The following MUC15 variants were observed in gnomAD, a reference collection of about 807,000 sequenced individuals.
MUC15 encodes mucin-15.
A neutral mutation model predicts 24.0 loss-of-function variants in MUC15; 23 were observed. That is an observed-to-expected ratio of 0.96 (90% CI 0.69 to 1.36). The LOEUF (loss-of-function observed/expected upper bound fraction) is 1.36. MUC15 is among the 40% of genes most tolerant of loss of function. MUC15 has a pLI of 0.00. For synonymous variants in MUC15, 151 were observed against 156.3 expected, an observed-to-expected ratio of 0.97 and a Z score of 0.25; for missense variants, 442 against 428.2, an observed-to-expected ratio of 1.03 and a Z score of -0.29.
chr11:26,563,214 C>A lies in MUC15; in HGVS notation c.827G>T (p.Gly276Val). 3.1e-6 allele frequency: 5 copies of A among 1,611,954 alleles called. No homozygotes were observed. The highest frequency in any genetic ancestry group is 4.2e-6 in the Non-Finnish European group (5 of 1,178,686). ...VFGAILGAIL[G>V]VSLLTLVGYL... Reference sequence around the variant, plus strand: ...GCCCACAAGAGTAAGCAATGAGACACCCAGAATAGCACCTAAAATGGCCCC... The same window carrying A: ...GCCCACAAGAGTAAGCAATGAGACAACCAGAATAGCACCTAAAATGGCCCC... The change falls in exon 4 of 5, where the codon GGT (glycine) becomes GTT (valine). Residue 276 changes from glycine (G) to valine (V), a missense_variant. Transcript: ENST00000529533.
rs982127065 is a variant in MUC15 at position 26,559,487 on chromosome 11, G to A, written c.*1578C>T. On this transcript the variant is annotated 3_prime_UTR_variant, in exon 5 of 5. Coordinates refer to ENST00000529533, the MANE Select transcript of MUC15 (RefSeq NM_001135091.2). ...CAGAAATGATGGTGGGGTATAAAGG[G>A]AATCAAGAGAGGAGAGAAGAGGGCT... 2.1e-6 allele frequency: 1 copy of A among 467,930 alleles called. No individual in the cohort carries two copies. Among genetic ancestry groups the A allele is most frequent in the Non-Finnish European group, 3.8e-6 (1 of 261,842 alleles). The allele number at this position is 467,930 out of a possible 1,614,324, so 29.0% of individuals were successfully genotyped here.
Position 26,559,513 on chromosome 11 carries a change from A to T in MUC15, c.*1552T>A, listed in dbSNP as rs927871181. ...AATCAAGAGAGGAGAGAAGAGGGCT[A>T]ATGTTGTTTCTTCACCTCTCCCCAT... On this transcript the variant is annotated 3_prime_UTR_variant, in exon 5 of 5. Transcript: ENST00000529533. 6.6e-5 allele frequency: 36 copies of T among 545,186 alleles called. 1 individual carries two copies. The highest frequency in any genetic ancestry group is 4.9e-4 in the Middle Eastern group (1 of 2,032). The allele number at this position is 545,186 out of a possible 1,614,324, so 33.8% of individuals were successfully genotyped here. A position where few individuals can be genotyped will look rare whatever the true frequency, so the allele number is the denominator to read the frequency against.
chr11:26,564,119 T>A (rs150290403), intron 3 of MUC15, among the ~76,000 whole-genome samples: 78 of 151,892 alleles, frequency 5.1e-4, no homozygotes, highest in Admixed American at 1.3e-3. Context: ...TAACTAAATT[T>A]TTTTTTACAT....
chr11:26,562,857 T>G (rs1850348059), intron 4 of MUC15, among the ~76,000 whole-genome samples: 1 of 151,958 alleles, frequency 6.6e-6, no homozygotes, highest in Admixed American at 6.6e-5. Flanking sequence ...TATACATATG[T>G]TTAGATTCTT....
intron 4 of MUC15, among the ~76,000 whole-genome samples, 189 bp from the exon 5 acceptor site, chr11:26,561,414 G>C (rs1850287315): frequency 6.6e-6 from 1 of 151,908 alleles, no homozygotes; most frequent in Admixed American, 6.6e-5. Context: ...ATAAGACTAA[G>C]AGTACAGTTT....
At chr11:26,566,919 C>A in intron 2 of MUC15, 133 bp downstream of exon 2, 1 of 706,820 alleles carries the variant, frequency 1.4e-6, no homozygotes, top group Admixed American at 4.2e-5. Context: ...TAGGTAGCAG[C>A]ACTCTAAACA....
chr11:26,563,329 T>A, intron 3 of MUC15, 64 bp from the exon 4 acceptor site: 1 of 1,466,722 alleles, frequency 6.8e-7, no homozygotes, highest in Non-Finnish European at 9.1e-7. Context: ...ACTCTATGCA[T>A]GTGAACTTTC....
rs754339048 is a variant in MUC15, at chr11:26,565,773, A to G, written c.167T>C (p.Ile56Thr). Residue 56 changes from isoleucine to threonine, a missense_variant, in exon 3 of 5, where the codon ATA becomes ACA. Transcript: ENST00000529533. ...TTCTGCAATGTTCTGTGTTGTGTTTATGTCTTGATTTTCTTTTCCATGGCT... is the reference window on the plus strand; with the variant it reads ...TTCTGCAATGTTCTGTGTTGTGTTTGTGTCTTGATTTTCTTTTCCATGGCT... ...SGSHGKENQD[I>T]NTTQNIAEVF... is the part of the protein sequence containing the mutation. The G allele has an allele frequency of 6.2e-7, 1 of 1,613,268 alleles. No homozygotes were observed. The highest frequency in any genetic ancestry group is 2.2e-5 in the East Asian group (1 of 44,844).
At chr11:26,570,394 A>G (rs1279556342) in intron 1 of MUC15, among the ~76,000 whole-genome samples, 1 of 152,074 alleles carries the variant, frequency 6.6e-6, no homozygotes, top group Non-Finnish European at 1.5e-5. Context: ...TTAAATGCAT[A>G]AAGTCATTAT....
At position 26,563,237 on chromosome 11, in the gene MUC15, C is replaced by A. The variant is rs746956581; in HGVS notation, c.804G>T (p.Gly268=). Residue 268 remains glycine (G), a synonymous_variant, in exon 4 of 5, where the codon GGG becomes GGT. Transcript: ENST00000529533. The part of the protein sequence containing the change: ...KENRNTGIVF[G]AILGAILGVS... ...CACCCAGAATAGCACCTAAAATGGC[C>A]CCGAATACTATTCCTGTATTTCTAT... 1 of 1,607,194 alleles carries A rather than the reference C, an allele frequency of 6.2e-7. No homozygotes were observed.
chr11:26,567,305 C>A (rs1279733798), intron 1 of MUC15, among the ~76,000 whole-genome samples, 166 bp from the exon 2 acceptor site: 2 of 151,688 alleles, frequency 1.3e-5, no homozygotes, highest in Non-Finnish European at 2.9e-5. Context: ...TGAATTGAAC[C>A]TTATTTTTCA....
At chr11:26,562,250 CA>C (rs1479848789) in intron 4 of MUC15, among the ~76,000 whole-genome samples, 2 of 151,820 alleles carry the variant, frequency 1.3e-5, no homozygotes, top group Non-Finnish European at 2.9e-5. Context: ...AACCCATAAT[CA>C]GAATTCAGTT....
rs910782425 is a variant in MUC15, at chr11:26,567,058, C to G, written c.37G>C (p.Asp13His). Residue 13 changes from aspartate to histidine, a missense_variant, in exon 2 of 5, where the codon GAT (aspartate) becomes CAT (histidine). Asp to His is a moderately conservative substitution (Grantham distance 81). Transcript: ENST00000529533. ...CATCTTATTTGATACTTACAACAATCCCTTGATGTGGCAAGAATAGATTGT... is the reference window on the plus strand; with the variant it reads ...CATCTTATTTGATACTTACAACAATGCCTTGATGTGGCAAGAATAGATTGT... ...IIQSILATSR[D>H]CYSFKKKPIP... 6.6e-7 allele frequency: 1 copy of G among 1,508,728 alleles called. No individual in the cohort carries two copies. The highest frequency in any genetic ancestry group is 1.4e-5 in the African/African-American group (1 of 71,880). The allele number at this position is 1,508,728 out of a possible 1,614,324, so 93.5% of individuals were successfully genotyped here.
rs1850187011 is a variant in MUC15 at position 26,559,271 on chromosome 11, A to C, written c.*1794T>G. Reference sequence around the variant, plus strand: ...TTTGAAAGACTAAGAGAATAGGGTTAGCTATGGGAAATGCTGGCTCACTGG... The same window carrying C: ...TTTGAAAGACTAAGAGAATAGGGTTCGCTATGGGAAATGCTGGCTCACTGG... On this transcript the variant is annotated 3_prime_UTR_variant, in exon 5 of 5. Coordinates refer to ENST00000529533, the MANE Select transcript of MUC15 (RefSeq NM_001135091.2). 1 of 158,594 alleles carries C rather than the reference A, an allele frequency of 6.3e-6. No homozygotes were observed. Among genetic ancestry groups the C allele is most frequent in the African/African-American group, 2.4e-5 (1 of 41,522 alleles). The allele number at this position is 158,594 out of a possible 1,614,324, so 9.8% of individuals were successfully genotyped here. A position where few individuals can be genotyped will look rare whatever the true frequency, so the allele number is the denominator to read the frequency against.
At chr11:26,562,279 A>T (rs1850324505) in intron 4 of MUC15, among the ~76,000 whole-genome samples, 1 of 151,950 alleles carries the variant, frequency 6.6e-6, no homozygotes, top group Non-Finnish European at 1.5e-5. Context: ...TAATTTACAG[A>T]TTTGGTTCTG....
intron 2 of MUC15, 113 bp from the exon 3 acceptor site, chr11:26,566,009 A>G (rs545422451): frequency 5.4e-6 from 6 of 1,109,870 alleles, no homozygotes; most frequent in Middle Eastern, 3.1e-4. Flanking sequence ...AGATGGTAAT[A>G]TCATATTTTT....
intron 1 of MUC15, among the ~76,000 whole-genome samples, chr11:26,570,328 C>G (rs1850772022): frequency 6.6e-6 from 1 of 152,004 alleles, no homozygotes; most frequent in South Asian, 2.1e-4. Context: ...ACAAAAAACA[C>G]CTCTGGCCAG....
chr11:26,563,058 G>T, intron 4 of MUC15, 58 bp downstream of exon 4: 4 of 1,580,822 alleles, frequency 2.5e-6, no homozygotes, highest in South Asian at 1.2e-5. Context: ...GTGAACATTG[G>T]CATCCTCATT....
At chr11:26,564,953 C>T (rs1026760513) in intron 3 of MUC15, among the ~76,000 whole-genome samples, 5 of 150,474 alleles carry the variant, frequency 3.3e-5, no homozygotes, top group Non-Finnish European at 5.9e-5. Flanking sequence ...CTTACACTCC[C>T]AAAGAGAAAT....
Sources: allele counts gnomAD v4.1 joint callset (sites outside exome capture counted in the v4.1 genomes callset), GRCh38; gene constraint gnomAD v4.1.1; transcripts MANE v1.5; gene names NCBI Gene and HGNC (gene_info 2026-07-23, HGNC 2026-07-21).